Variants in PLXNA4 observed in about 807,000 individuals in gnomAD.
PLXNA4 encodes the protein plexin-A4.
In PLXNA4, 44 loss-of-function variants were observed where a neutral mutation model predicts 191.8. The ratio of observed to expected loss-of-function variants is 0.23; its 90% CI spans 0.18 to 0.29. PLXNA4 has a LOEUF of 0.29. Ranked by LOEUF, PLXNA4 falls within the 10% of genes least tolerant of loss-of-function variation. The pLI is 1.00. For synonymous variants in PLXNA4, 1,082 were observed against 1,009.5 expected, an observed-to-expected ratio of 1.07 and a Z score of -1.36; for missense variants, 1,800 against 2,488.8, an observed-to-expected ratio of 0.72 and a Z score of 5.89.
intron 30 of PLXNA4, among the ~76,000 whole-genome samples, chr7:132,135,152 GAT>G (rs1462274759): frequency 1.4e-4 from 22 of 152,160 alleles, no homozygotes; most frequent in Non-Finnish European, 2.9e-5. Context: ...TACCAAGCAA[GAT>G]ATGTTTGTCA....
chr7:132,298,194 G>T lies in PLXNA4; in HGVS notation c.1400C>A (p.Ala467Asp). Residue 467 changes from alanine (A) to aspartate (D), a missense_variant, in exon 4 of 32, where the codon GCC (alanine) becomes GAC (aspartate). Coordinates refer to ENST00000321063, the MANE Select transcript of PLXNA4 (RefSeq NM_020911.2). ...KIRVDGPRGN[A>D]LQYETVQVVD... ...CACCTGCACCGTCTCATACTGGAGG[G>T]CGTTGCCCCTGGGTCCATCCACCCG... 6.2e-7 allele frequency: 1 copy of T among 1,614,058 alleles called. No homozygotes were observed. The highest frequency in any genetic ancestry group is 8.5e-7 in the Non-Finnish European group (1 of 1,179,976).
At position 132,576,161 on chromosome 7, in the gene PLXNA4, C is replaced by T. The variant is rs1244744986; in HGVS notation, c.-87+261G>A. Among the ~76,000 whole-genome samples the T allele has an allele frequency of 2.0e-5, 3 of 152,236 alleles. No homozygotes were observed. Among genetic ancestry groups the T allele is most frequent in the Non-Finnish European group, 4.4e-5 (3 of 68,044 alleles). On this transcript the variant is annotated intron_variant, in intron 1 of 31. Transcript: ENST00000321063. The surrounding 1 kb of genome is among the most constrained non-coding windows in gnomAD (Gnocchi z 5.8). ...AGTCCCGGGAAAGAGAAGTCTGAGT[C>T]CAGGAGCGTGAGAGGAGAACACACC...
At chr7:132,347,916 C>A (rs1410845808) in intron 3 of PLXNA4, among the ~76,000 whole-genome samples, 1 of 152,178 alleles carries the variant, frequency 6.6e-6, no homozygotes, top group African/African-American at 2.4e-5. Flanking sequence ...ATTTTCCCTG[C>A]AGAGAGGCAT....
At chr7:132,503,119 GGAAGACTGAAGTGGAGTGAAT>G (rs1369974075) in intron 2 of PLXNA4, among the ~76,000 whole-genome samples, 2 of 152,132 alleles carry the variant, frequency 1.3e-5, no homozygotes, top group East Asian at 3.9e-4. Flanking sequence ...CCAAAGTCAG[GGAAGACTGAAGTGGAGTGAAT>G]GACAGTCACT....
Position 132,140,620 on chromosome 7 carries a change from C to T in PLXNA4, c.5417G>A (p.Ser1806Asn). ...TCACCTCTCCACCCAATTCTTGTAGCTGGGGATGTCCTTGGCATACAGCAG... is the reference window on the plus strand; with the variant it reads ...TCACCTCTCCACCCAATTCTTGTAGTTGGGGATGTCCTTGGCATACAGCAG... Reference protein sequence around the residue: ...NKLLYAKDIPSYKNWVERYYS... With the variant: ...NKLLYAKDIPNYKNWVERYYS... Residue 1806 changes from serine (S) to asparagine (N), a missense_variant, in exon 30 of 32, where the codon AGC (serine) becomes AAC (asparagine). Physicochemically the swap from Ser to Asn is conservative, Grantham distance 46 (BLOSUM62 1). Transcript: ENST00000321063. 1 of 1,614,082 alleles carries T rather than the reference C, an allele frequency of 6.2e-7. No individual in the cohort carries two copies. Among genetic ancestry groups the T allele is most frequent in the Non-Finnish European group, 8.5e-7 (1 of 1,180,024 alleles).
At chr7:132,210,305 G>T (rs961775713) in intron 10 of PLXNA4, among the ~76,000 whole-genome samples, 27 of 152,212 alleles carry the variant, frequency 1.8e-4, no homozygotes, top group Non-Finnish European at 7.3e-5. Context: ...TCACTGTGGG[G>T]TACCTAGGAA....
chr7:132,125,562 A>T lies in PLXNA4; in HGVS notation c.*4917T>A, dbSNP rs570826170. The T allele has an allele frequency of 4.6e-5, 7 of 152,302 alleles. No homozygotes were observed. The highest frequency in any genetic ancestry group is 1.7e-4 in the African/African-American group (7 of 41,566). The allele number at this position is 152,302 out of a possible 1,614,324, so 9.4% of individuals were successfully genotyped here. ...TTTCGAACTATTAAGATATACAAAC[A>T]AAAACCAAACAACTCCAAAATCCCA... On this transcript the variant is annotated 3_prime_UTR_variant, in exon 32 of 32. Transcript: ENST00000321063.
chr7:132,225,617 C>CG (rs962829689), intron 8 of PLXNA4, among the ~76,000 whole-genome samples: 3 of 27,736 alleles, frequency 1.1e-4, no homozygotes, highest in Non-Finnish European at 1.9e-4. Context: ...CCAGAGTCCG[C>CG]CCCCCCCCAC....
chr7:132,497,387 G>A (rs1035941591), intron 2 of PLXNA4, among the ~76,000 whole-genome samples: 2 of 152,142 alleles, frequency 1.3e-5, no homozygotes, highest in African/African-American at 4.8e-5. Context: ...TACACAAAAT[G>A]CATCCACCCC....
Position 132,182,084 on chromosome 7 carries a change from G to A in PLXNA4, c.3252+13C>T, listed in dbSNP as rs746318870. ...TGGGCAGCCTCCATGAACCCCATCA[G>A]CCCTACACTCACATTGATGTGCTCC... On this transcript the variant is annotated intron_variant, in intron 17 of 31. Coordinates refer to ENST00000321063, the MANE Select transcript of PLXNA4 (RefSeq NM_020911.2). The A allele has an allele frequency of 4.3e-6, 7 of 1,614,128 alleles. No homozygotes were observed. Among genetic ancestry groups the A allele is most frequent in the South Asian group, 3.3e-5 (3 of 91,084 alleles).
At chr7:132,479,942 G>T (rs1250800031) in intron 3 of PLXNA4, among the ~76,000 whole-genome samples, 1 of 152,172 alleles carries the variant, frequency 6.6e-6, no homozygotes, top group Non-Finnish European at 1.5e-5. Flanking sequence ...ACAGGCATGA[G>T]CCACTGCGCC....
Position 132,310,642 on chromosome 7 carries a change from G to A in PLXNA4, c.1372-12420C>T, listed in dbSNP as rs531550095. Reference sequence around the variant, plus strand: ...CATCATCCTGTCTGCAGGAAGCCCCGTGGGTCTGTTGCTCAGCCCCCAGGC... The same window carrying A: ...CATCATCCTGTCTGCAGGAAGCCCCATGGGTCTGTTGCTCAGCCCCCAGGC... On this transcript the variant is annotated intron_variant, in intron 3 of 31. Coordinates refer to ENST00000321063, the MANE Select transcript of PLXNA4 (RefSeq NM_020911.2). Among the ~76,000 whole-genome samples, 13 of 152,282 alleles carry A rather than the reference G, an allele frequency of 8.5e-5. No homozygotes were observed. In the East Asian group the frequency reaches 1.5e-3, roughly 18 times the overall value.
chr7:132,393,984 C>CT (rs768881083), intron 3 of PLXNA4, among the ~76,000 whole-genome samples: 2,279 of 137,540 alleles, frequency 0.017, 45 homozygotes, highest in African/African-American at 0.048. Flanking sequence ...ACCCCACCCT[C>CT]TTTTTTTTTT....
In PLXNA4 at chr7:132,228,318, A is replaced by G. The variant is rs771151341; in HGVS notation, c.1728+28T>C. ...GGGAGAGTTTTCCTTGCATCCCTGG[A>G]CCCCACCCCAACCCCCACGACCCTT... On this transcript the variant is annotated intron_variant, in intron 6 of 31. Transcript: ENST00000321063. 4 of 1,613,120 alleles carry G rather than the reference A, an allele frequency of 2.5e-6. No homozygotes were observed. In the African/African-American group the frequency reaches 4.0e-5, roughly 16 times the overall value.
intron 2 of PLXNA4, among the ~76,000 whole-genome samples, chr7:132,498,846 T>A (rs1027359037): frequency 6.6e-6 from 1 of 152,160 alleles, no homozygotes; most frequent in East Asian, 1.9e-4. Context: ...TTGATGCAAA[T>A]ATTCATTAAA....
upstream of PLXNA4, chr7:132,576,565 A>G (rs1371715644): frequency 2.0e-6 from 2 of 985,930 alleles, no homozygotes; most frequent in Non-Finnish European, 2.4e-6. The surrounding 1 kb of genome is among the most constrained non-coding windows in gnomAD (Gnocchi z 5.8). Flanking sequence ...CCCGAACGCA[A>G]ATACTCCACC....
chr7:132,329,190 C>T (rs1802491813), intron 3 of PLXNA4, among the ~76,000 whole-genome samples: 1 of 152,148 alleles, frequency 6.6e-6, no homozygotes, highest in African/African-American at 2.4e-5. Flanking sequence ...TAACATAAAT[C>T]TCTAGGACAA....
chr7:132,380,463 C>A (rs1279750755), intron 3 of PLXNA4, among the ~76,000 whole-genome samples: 3 of 145,590 alleles, frequency 2.1e-5, no homozygotes, highest in African/African-American at 5.3e-5. Context: ...ACAGAAGGAC[C>A]AAGGCACCGA....
chr7:132,571,346 C>T (rs58309117), intron 1 of PLXNA4, among the ~76,000 whole-genome samples: 3,391 of 152,292 alleles, frequency 0.022, 114 homozygotes, highest in African/African-American at 0.075. Flanking sequence ...CAAAATTCCT[C>T]TAAGTGCTAC....
Sources: gnomAD v4.1 joint callset for allele counts (sites outside exome capture counted in the v4.1 genomes callset) on GRCh38, gnomAD v4.1.1 for gene constraint, Gnocchi (gnomAD v3.1) non-coding constraint, MANE v1.5 for transcripts, NCBI Gene and HGNC (gene_info 2026-07-23, HGNC 2026-07-21) for gene names.